DMD: variants seen among roughly 807,000 people sequenced by gnomAD.
DMD encodes the protein dystrophin.
A neutral mutation model predicts 330.1 loss-of-function variants in DMD; 63 were observed. The ratio of observed to expected loss-of-function variants is 0.19; its 90% CI spans 0.16 to 0.24. The LOEUF is 0.24. DMD is among the 10% of genes least tolerant of loss of function. The pLI is 1.00. For synonymous variants in DMD, 1,223 were observed against 959.8 expected, an observed-to-expected ratio of 1.27 and a Z score of -5.07; for missense variants, 3,344 against 2,684.1, an observed-to-expected ratio of 1.25 and a Z score of -5.43.
intron 7 of DMD, among the ~76,000 whole-genome samples, chrX:32,711,302 A>T (rs749313510): frequency 1.1e-3 from 121 of 111,194 alleles, no homozygotes; most frequent in Non-Finnish European, 2.1e-3. Context: ...CTCTACTAGC[A>T]GGGGCCTGTC....
At chrX:32,148,389 G>T (rs2096788677) in intron 44 of DMD, among the ~76,000 whole-genome samples, 1 of 111,152 alleles carries the variant, frequency 9.0e-6, no homozygotes, top group Non-Finnish European at 1.9e-5. Context: ...GATTTGTTAA[G>T]GTATTTTGAA....
chrX:31,804,336 G>A (rs915220011), intron 50 of DMD, among the ~76,000 whole-genome samples: 9 of 111,534 alleles, frequency 8.1e-5, no homozygotes, highest in Non-Finnish European at 1.7e-4. Context: ...AGGGCCTGTT[G>A]TTTCCACGTG....
chrX:32,254,134 T>G (rs1338068133), intron 43 of DMD, among the ~76,000 whole-genome samples: 1 of 111,489 alleles, frequency 9.0e-6, no homozygotes, highest in African/African-American at 3.3e-5. Flanking sequence ...CTCCGCCTCC[T>G]GGGTTCCAGT....
chrX:32,608,307 T>A (rs2056897374), intron 12 of DMD, among the ~76,000 whole-genome samples: 1 of 110,521 alleles, frequency 9.0e-6, no homozygotes, highest in African/African-American at 3.3e-5. Context: ...TCAATTCGAT[T>A]TTAAAAATTG....
chrX:31,517,956 CA>C (rs1206079648), intron 55 of DMD, among the ~76,000 whole-genome samples: 4 of 103,860 alleles, frequency 3.9e-5, no homozygotes, highest in African/African-American at 1.4e-4. Flanking sequence ...CACACACACA[CA>C]CACACACCTT....
intron 37 of DMD, among the ~76,000 whole-genome samples, chrX:32,352,941 T>G (rs2097786724): frequency 1.8e-5 from 2 of 111,090 alleles, no homozygotes; most frequent in African/African-American, 6.5e-5. Context: ...TCCTTAAAGT[T>G]GGCAATATGT....
At chrX:32,382,132 T>C (rs1173096614) in intron 33 of DMD, among the ~76,000 whole-genome samples, 1 of 111,725 alleles carries the variant, frequency 9.0e-6, no homozygotes, top group Non-Finnish European at 1.9e-5. Context: ...TGCCTGAATG[T>C]ATAGAGCAAA....
At chrX:32,044,571 G>A (rs1470889176) in intron 44 of DMD, among the ~76,000 whole-genome samples, 1 of 110,212 alleles carries the variant, frequency 9.1e-6, no homozygotes, top group Non-Finnish European at 1.9e-5. Context: ...ACAGGTGCCT[G>A]CCACCATGCC....
At chrX:32,447,830 G>A (rs1188660198) in intron 27 of DMD, among the ~76,000 whole-genome samples, 1 of 111,344 alleles carries the variant, frequency 9.0e-6, no homozygotes, top group Non-Finnish European at 1.9e-5. Context: ...ATCATTTGAG[G>A]CACCTGCTTT....
chrX:32,768,960 A>C (rs2073301384), intron 7 of DMD, among the ~76,000 whole-genome samples: 1 of 111,996 alleles, frequency 8.9e-6, no homozygotes, highest in South Asian at 3.7e-4. Context: ...AAGTGAAGGG[A>C]GCACATATGC....
intron 60 of DMD, among the ~76,000 whole-genome samples, chrX:31,380,404 C>A (rs932731316): frequency 9.1e-6 from 1 of 109,548 alleles, no homozygotes; most frequent in Non-Finnish European, 1.9e-5. Flanking sequence ...AAGCATAAGA[C>A]ACCTCTACTC....
rs756958090 is a variant in DMD at position 31,206,647 on chromosome X, C to T, written c.9584G>A (p.Arg3195His). The T allele has an allele frequency of 2.8e-5, 34 of 1,207,900 alleles. No individual in the cohort carries two copies. Among genetic ancestry groups the T allele is most frequent in the African/African-American group, 3.5e-5 (2 of 57,260 alleles). ...VYDTGRTGRI[R>H]VLSFKTGIIS... ...GATGCCAGTTTTAAAAGACAGGACA[C>T]GGATCCTCCCTGTTCGTCCCCTATT... The change falls in exon 66 of 79, where the codon CGT becomes CAT. Residue 3195 changes from arginine to histidine, a missense_variant. Arg to His is a conservative substitution (Grantham distance 29). Transcript: ENST00000357033.
At chrX:32,253,981 TC>T (rs1480572035) in intron 43 of DMD, among the ~76,000 whole-genome samples, 2 of 111,538 alleles carry the variant, frequency 1.8e-5, no homozygotes, top group African/African-American at 6.5e-5. Flanking sequence ...ATCCTCATCT[TC>T]TTTTTCCTCT....
intron 1 of DMD, among the ~76,000 whole-genome samples, chrX:33,234,867 C>T (rs140896474): frequency 0.019 from 2,116 of 111,565 alleles, 26 homozygotes; most frequent in Non-Finnish European, 0.027. Flanking sequence ...GTGATTCTTT[C>T]GCCCAGGCCA....
In DMD at chrX:31,765,882, T is replaced by C. The variant is rs149576353; in HGVS notation, c.7542+8078A>G. ...ACTCTAGAGTGCTTTGTAACATGGGTTTCAAAGACAATTTGTTGAACGAAG... is the reference window on the plus strand; with the variant it reads ...ACTCTAGAGTGCTTTGTAACATGGGCTTCAAAGACAATTTGTTGAACGAAG... On this transcript the variant is annotated intron_variant, in intron 51 of 78. Coordinates refer to ENST00000357033, the MANE Select transcript of DMD (RefSeq NM_004006.3). Among the ~76,000 whole-genome samples, 334 of 110,984 alleles carry C rather than the reference T, an allele frequency of 3.0e-3. 3 individuals carry two copies. Among genetic ancestry groups the C allele is most frequent in the African/African-American group, 9.6e-3 (295 of 30,599 alleles).
intron 41 of DMD, among the ~76,000 whole-genome samples, chrX:32,323,367 C>T (rs964305497): frequency 2.7e-5 from 3 of 110,608 alleles, no homozygotes; most frequent in Non-Finnish European, 5.7e-5. Flanking sequence ...GAGAAATAAA[C>T]GGTACAAAAA....
chrX:31,559,440 A>G (rs1356739308), intron 55 of DMD, among the ~76,000 whole-genome samples: 1 of 94,927 alleles, frequency 1.1e-5, no homozygotes, highest in Non-Finnish European at 2.0e-5. Context: ...CAGGAGATCG[A>G]GACCATCCTG....
intron 1 of DMD, among the ~76,000 whole-genome samples, chrX:33,186,130 C>T (rs2050250901): frequency 1.8e-5 from 2 of 111,651 alleles, no homozygotes; most frequent in Admixed American, 1.9e-4. Flanking sequence ...ATCATTATTC[C>T]CTTTTCCTCA....
At chrX:32,169,435 A>G (rs1343993703) in intron 44 of DMD, among the ~76,000 whole-genome samples, 2 of 111,817 alleles carry the variant, frequency 1.8e-5, no homozygotes, top group Non-Finnish European at 3.8e-5. Context: ...CCCAACAGGC[A>G]TCTTTCTTTA....
Sources: allele counts gnomAD v4.1 joint callset (sites outside exome capture counted in the v4.1 genomes callset), GRCh38; gene constraint gnomAD v4.1.1; transcripts MANE v1.5; gene names NCBI Gene and HGNC (gene_info 2026-07-23, HGNC 2026-07-21).